Variants in ALDH3B2 observed in about 807,000 individuals in gnomAD.
ALDH3B2 encodes the protein aldehyde dehydrogenase 3 family member B2.
Under a neutral mutation model 36.7 loss-of-function variants are expected in ALDH3B2, and 45 were observed. That is an observed-to-expected ratio of 1.23 (90% confidence interval 0.97 to 1.57). ALDH3B2 has a LOEUF of 1.57. ALDH3B2 is among the 40% of genes most tolerant of loss of function. The probability of loss-of-function intolerance (pLI) is 0.00; values close to 1 mark genes in which losing one functional copy is unlikely to be tolerated. For synonymous variants in ALDH3B2, 217 were observed against 226.5 expected (o/e 0.96, Z 0.38); for missense variants, 464 against 513.3 (o/e 0.90, Z 0.93).
chr11:67,677,280 G>A (rs754849951), upstream of ALDH3B2, among the ~76,000 whole-genome samples: 1 of 152,132 alleles, frequency 6.6e-6, no homozygotes, highest in Non-Finnish European at 1.5e-5. Context: ...TCATACCAGA[G>A]ATGCAGGGGT....
chr11:67,666,490 G>A (rs1855917233), intron 4 of ALDH3B2, 84 bp downstream of exon 4: 3 of 1,604,412 alleles, frequency 1.9e-6, no homozygotes, highest in Non-Finnish European at 2.6e-6. Flanking sequence ...TGAGGCCCAG[G>A]GTACCTCAGA....
Position 67,663,662 on chromosome 11 carries a change from C to T in ALDH3B2, c.973G>A (p.Gly325Ser), listed in dbSNP as rs145285372. Residue 325 changes from glycine (G) to serine (S), a missense_variant and splice_region_variant, in exon 9 of 10, where the codon GGC becomes AGC. Gly to Ser is a moderately conservative substitution (Grantham distance 56). Coordinates refer to ENST00000349015, the Ensembl canonical transcript of ALDH3B2. ...GGGGTGGAAATGGGCAGGGACCCAC[C>T]GACTCCCCCGAATGGCACGGACAGC... The T allele has an allele frequency of 4.8e-4, 769 of 1,607,304 alleles. 1 individual carries two copies. The highest frequency in any genetic ancestry group is 6.1e-4 in the Non-Finnish European group (719 of 1,174,902).
chr11:67,666,540 G>T, intron 4 of ALDH3B2, 34 bp downstream of exon 4: 1 of 1,612,986 alleles, frequency 6.2e-7, no homozygotes. Flanking sequence ...GCTACTGGGC[G>T]GGGAGAGCAT....
chr11:67,664,160 G>A (rs1247942034), intron 8 of ALDH3B2: 2 of 638,436 alleles, frequency 3.1e-6, no homozygotes, highest in East Asian at 5.6e-5. Context: ...CAGTCCAAGT[G>A]CAGGCTGCTC....
chr11:67,667,093 C>G (rs1855942931), intron 2 of ALDH3B2, 77 bp from the exon 3 acceptor site: 3 of 768,302 alleles, frequency 3.9e-6, no homozygotes, highest in Admixed American at 4.5e-5. Context: ...GGAGGGCACA[C>G]GCAGGCACCA....
rs759600537 is a variant in ALDH3B2 at position 67,666,183 on chromosome 11, C to T, written c.258G>A (p.Leu86=). 1.9e-6 allele frequency: 3 copies of T among 1,614,160 alleles called. No individual in the cohort carries two copies. The Admixed American group carries it at 5.0e-5, about 27-fold the overall frequency. The change falls in exon 6 of 10, where the codon CTG becomes CTA. Residue 86 remains leucine, a synonymous_variant. Transcript: ENST00000349015. ...GCTGCCCTGTCTCCTGGGGTCCGCC[C>T]AGCACCACGGCAAAGCAGCTCTGCA...
exon 6 of ALDH3B2, chr11:67,666,176 G>A (rs1855902177): frequency 6.2e-7 from 1 of 1,614,102 alleles, no homozygotes; most frequent in African/African-American, 1.3e-5. Context: ...GTCTCCTGGG[G>A]TCCGCCCAGC....
intron 1 of ALDH3B2, chr11:67,671,192 C>G (rs1268425601): frequency 6.6e-6 from 1 of 152,340 alleles, no homozygotes; most frequent in African/African-American, 2.4e-5. Context: ...AACCTGGCCT[C>G]AGCGTGGTCA....
At chr11:67,667,125 C>T in intron 2 of ALDH3B2, 109 bp from the exon 3 acceptor site, 2 of 644,476 alleles carry the variant, frequency 3.1e-6, no homozygotes, top group Admixed American at 5.2e-5. Flanking sequence ...CATATAAATA[C>T]AGCTCCTATG....
chr11:67,663,586 A>G, intron 9 of ALDH3B2, 76 bp downstream of exon 9: 1 of 1,451,072 alleles, frequency 6.9e-7, no homozygotes, highest in Non-Finnish European at 9.5e-7. Context: ...AAGGTTGAAC[A>G]GTGAGTGAAG....
At chr11:67,664,275 T>C (rs1202837097) in intron 8 of ALDH3B2, 121 bp downstream of exon 8, 1 of 1,478,394 alleles carries the variant, frequency 6.8e-7, no homozygotes, top group African/African-American at 1.4e-5. Context: ...GTGGCCTAGA[T>C]ATAGTCACCC....
At chr11:67,663,294 A>G (rs1855799605) in exon 10 of ALDH3B2, 2 of 1,614,060 alleles carry the variant, frequency 1.2e-6, no homozygotes, top group Non-Finnish European at 1.7e-6. Flanking sequence ...TGGGTAGTGG[A>G]TCTCCTTTAA....
chr11:67,672,922 TCTTTTCTTTTC>T (rs1856167955), intron 1 of ALDH3B2, among the ~76,000 whole-genome samples: 1 of 148,588 alleles, frequency 6.7e-6, no homozygotes, highest in South Asian at 2.1e-4. Flanking sequence ...TCTTTTCTTT[TCTTTTCTTTTC>T]TTTTTTTTTT....
exon 2 of ALDH3B2, chr11:67,667,606 C>T (rs1855957857): frequency 8.3e-6 from 3 of 359,952 alleles, no homozygotes; most frequent in Admixed American, 5.0e-5. Flanking sequence ...CTCACGCAGC[C>T]GCCGCAGCGT....
chr11:67,672,088 T>TATATATAG (rs71058720), intron 1 of ALDH3B2, among the ~76,000 whole-genome samples: 1 of 104,750 alleles, frequency 9.5e-6, no homozygotes, highest in East Asian at 2.7e-4. Flanking sequence ...TATATATATA[T>TATATATAG]GTATGTATGT....
chr11:67,666,577 C>A, exon 4 of ALDH3B2: 1 of 1,613,894 alleles, frequency 6.2e-7, no homozygotes. Context: ...TCCTCACCTG[C>A]GGCGAGGGCG....
intron 1 of ALDH3B2, among the ~76,000 whole-genome samples, chr11:67,669,400 T>A (rs1414967866): frequency 6.8e-6 from 1 of 146,548 alleles, no homozygotes; most frequent in African/African-American, 2.6e-5. Context: ...CATGTGTGTC[T>A]GTGTATGGGT....
intron 7 of ALDH3B2, among the ~76,000 whole-genome samples, chr11:67,664,861 C>T (rs774146241): frequency 2.0e-5 from 3 of 152,178 alleles, no homozygotes; most frequent in African/African-American, 4.8e-5. Context: ...GAGGCAGCAG[C>T]GTCCCAGAAT....
chr11:67,663,871 T>C, intron 8 of ALDH3B2, 110 bp from the exon 9 acceptor site: 1 of 842,962 alleles, frequency 1.2e-6, no homozygotes. Context: ...CCCTCCACCC[T>C]CTAACGGGCA....
Sources: allele counts gnomAD v4.1 joint callset (sites outside exome capture counted in the v4.1 genomes callset), GRCh38; gene constraint gnomAD v4.1.1; transcripts MANE v1.5; gene names NCBI Gene and HGNC (gene_info 2026-07-23, HGNC 2026-07-21).